Variants in SNTB1 observed in about 807,000 individuals in gnomAD.
The protein encoded by SNTB1 is beta-1-syntrophin.
A neutral mutation model predicts 48.9 loss-of-function variants in SNTB1; 36 were observed. The observed-to-expected ratio is 0.74, with a 90% CI of 0.56 to 0.97. The LOEUF (loss-of-function observed/expected upper bound fraction) is 0.97. Ranked by LOEUF, SNTB1 falls within the 50% of genes least tolerant of loss-of-function variation. The pLI is 0.00. For missense variants in SNTB1, 786 were observed against 703.4 expected (o/e 1.12, Z -1.33); for synonymous variants, 299 against 294.6 (o/e 1.01, Z -0.15).
intron 1 of SNTB1, among the ~76,000 whole-genome samples, chr8:120,764,678 C>T (rs1340623336): frequency 6.6e-6 from 1 of 152,114 alleles, no homozygotes; most frequent in African/African-American, 2.4e-5. Context: ...AGATAAAACT[C>T]ACAAAGGAAA....
At position 120,693,968 on chromosome 8, in the gene SNTB1, T is replaced by A. The variant is rs1303848140; in HGVS notation, c.572-60A>T. ...ATCACGGCTGAATTTCTGGGAAGTC[T>A]GATTGTGTTTCTGAAATAGACTTGC... On this transcript the variant is annotated intron_variant, in intron 1 of 6. Coordinates refer to ENST00000517992, the MANE Select transcript of SNTB1 (RefSeq NM_021021.4). 3.8e-6 allele frequency: 5 copies of A among 1,319,428 alleles called. No individual in the cohort carries two copies. The East Asian group carries it at 9.2e-5, about 24-fold the overall frequency. 81.7% of individuals were successfully genotyped at this position (1,319,428 alleles called of 1,614,324 possible). A position where few individuals can be genotyped will look rare whatever the true frequency, so the allele number is the denominator to read the frequency against.
At chr8:120,550,532 ACT>A (rs1449581477) in intron 4 of SNTB1, among the ~76,000 whole-genome samples, 1 of 132,370 alleles carries the variant, frequency 7.6e-6, no homozygotes. Context: ...ACAGTGCGAG[ACT>A]CTGTCTTTAA....
At chr8:120,617,022 G>C (rs1816725223) in intron 3 of SNTB1, among the ~76,000 whole-genome samples, 1 of 152,162 alleles carries the variant, frequency 6.6e-6, no homozygotes, top group African/African-American at 2.4e-5. Context: ...CCAACCCATG[G>C]CCCATGGGCC....
At chr8:120,679,613 C>G (rs1380720412) in intron 2 of SNTB1, among the ~76,000 whole-genome samples, 9 of 152,322 alleles carry the variant, frequency 5.9e-5, no homozygotes, top group Non-Finnish European at 2.9e-5. Context: ...TCAAATGTAT[C>G]TAACTATTCT....
intron 2 of SNTB1, among the ~76,000 whole-genome samples, chr8:120,692,074 C>G (rs1818138246): frequency 6.6e-6 from 1 of 152,156 alleles, no homozygotes; most frequent in African/African-American, 2.4e-5. Context: ...TGCTCTTACC[C>G]CTCTTGCCGA....
chr8:120,646,001 T>C (rs1282421855), intron 2 of SNTB1, among the ~76,000 whole-genome samples: 4 of 150,942 alleles, frequency 2.7e-5, no homozygotes, highest in Non-Finnish European at 4.4e-5. Flanking sequence ...TTGTGATTTT[T>C]ACACATTGAT....
chr8:120,571,054 C>A, intron 4 of SNTB1: 1 of 497,214 alleles, frequency 2.0e-6, no homozygotes, highest in Non-Finnish European at 3.0e-6. Context: ...ATTATAACTC[C>A]TGGCACATAG....
In SNTB1 at chr8:120,669,449, T is replaced by G. The variant is rs1376740078; in HGVS notation, c.788+24243A>C. Among the ~76,000 whole-genome samples the G allele has an allele frequency of 1.4e-4, 5 of 36,012 alleles. 2 individuals carry two copies. Among genetic ancestry groups the G allele is most frequent in the Admixed American group, 1.2e-3 (5 of 4,016 alleles). 23.6% of individuals were successfully genotyped at this position (36,012 alleles called of 152,430 possible). A position where few individuals can be genotyped will look rare whatever the true frequency, so the allele number is the denominator to read the frequency against. ...ATTCAAAATGAAAATGCTTGTTTTT[T>G]TTTTTTTTTTTTTTGAGACGGAGTC... On this transcript the variant is annotated intron_variant, in intron 2 of 6. Coordinates refer to ENST00000517992, the MANE Select transcript of SNTB1 (RefSeq NM_021021.4).
At chr8:120,767,445 A>G (rs1025645399) in intron 1 of SNTB1, among the ~76,000 whole-genome samples, 1 of 152,192 alleles carries the variant, frequency 6.6e-6, no homozygotes, top group Non-Finnish European at 1.5e-5. Flanking sequence ...TATTTCAATA[A>G]CACAAAGAAC....
chr8:120,638,887 C>A (rs1395310887), intron 2 of SNTB1, among the ~76,000 whole-genome samples: 2 of 152,178 alleles, frequency 1.3e-5, no homozygotes, highest in South Asian at 4.1e-4. Context: ...ATCTTTATAG[C>A]AGCATGATTT....
intron 1 of SNTB1, among the ~76,000 whole-genome samples, chr8:120,702,837 G>A (rs1818328160): frequency 6.6e-6 from 1 of 152,172 alleles, no homozygotes; most frequent in African/African-American, 2.4e-5. Flanking sequence ...TGCCAACTAT[G>A]TAAGCTTGGG....
In SNTB1 at chr8:120,685,268, C is replaced by T. The variant is rs142329684; in HGVS notation, c.788+8424G>A. Among the ~76,000 whole-genome samples the T allele has an allele frequency of 7.7e-3, 1,179 of 152,340 alleles. 13 individuals are homozygous for T. Among genetic ancestry groups the T allele is most frequent in the African/African-American group, 0.027 (1,140 of 41,580 alleles). ...ATGCTGGCCTCACAGCCCTAGTGGA[C>T]ATTGCCCTAGTGGGGGTTCTCTTTG... On this transcript the variant is annotated intron_variant, in intron 2 of 6. Coordinates refer to ENST00000517992, the MANE Select transcript of SNTB1 (RefSeq NM_021021.4).
intron 1 of SNTB1, among the ~76,000 whole-genome samples, chr8:120,736,714 G>A (rs998091837): frequency 3.9e-5 from 6 of 152,230 alleles, no homozygotes; most frequent in African/African-American, 1.4e-4. Flanking sequence ...AAAGGCTGGT[G>A]TGGCAGAACT....
intron 2 of SNTB1, among the ~76,000 whole-genome samples, chr8:120,642,384 G>A (rs1014155054): frequency 6.6e-6 from 1 of 152,180 alleles, no homozygotes; most frequent in African/African-American, 2.4e-5. Flanking sequence ...GTTGGACCCT[G>A]TCCCAGTCCT....
intron 1 of SNTB1, chr8:120,769,642 A>T (rs1292309141): frequency 1.3e-5 from 2 of 152,266 alleles, no homozygotes; most frequent in Admixed American, 1.3e-4. Flanking sequence ...GTACAGAGGG[A>T]GCTGCTCCAA....
chr8:120,595,895 A>G (rs781029220), intron 3 of SNTB1, among the ~76,000 whole-genome samples: 5 of 152,036 alleles, frequency 3.3e-5, no homozygotes, highest in Admixed American at 1.3e-4. Flanking sequence ...ACTTTACTCT[A>G]TGGACTCACC....
intron 3 of SNTB1, among the ~76,000 whole-genome samples, chr8:120,583,467 G>A (rs118136930): frequency 0.033 from 5,027 of 151,008 alleles, 137 homozygotes; most frequent in Non-Finnish European, 0.048. Context: ...AGCCAAAATC[G>A]AGACACTTCA....
intron 1 of SNTB1, among the ~76,000 whole-genome samples, chr8:120,733,401 T>TCAG (rs1818886099): frequency 6.6e-6 from 1 of 152,272 alleles, no homozygotes; most frequent in Admixed American, 6.5e-5. Flanking sequence ...GGTTTTGTGT[T>TCAG]CAGCACACTG....
intron 2 of SNTB1, among the ~76,000 whole-genome samples, chr8:120,633,488 C>G (rs562975894): frequency 1.3e-5 from 2 of 151,994 alleles, no homozygotes; most frequent in African/African-American, 4.8e-5. Context: ...GCCTGTAGCC[C>G]CAGCTACTTG....
Sources: gnomAD v4.1 joint callset for allele counts (sites outside exome capture counted in the v4.1 genomes callset) on GRCh38, gnomAD v4.1.1 for gene constraint, MANE v1.5 for transcripts, NCBI Gene and HGNC (gene_info 2026-07-23, HGNC 2026-07-21) for gene names.